Variants in SMG1 observed in about 807,000 individuals in gnomAD.
SMG1 encodes serine/threonine-protein kinase SMG1.
SMG1 carries 22 observed loss-of-function variants against 419.9 expected under a neutral mutation model. The observed-to-expected ratio is 0.05, with a 90% CI of 0.04 to 0.07. The LOEUF (loss-of-function observed/expected upper bound fraction) is 0.07, where lower values mean the gene tolerates loss of function less well. SMG1 is among the 10% of genes least tolerant of loss of function. SMG1 has a pLI of 1.00. For synonymous variants in SMG1, 1,538 were observed against 1,553.5 expected (o/e 0.99, Z 0.23); for missense variants, 3,185 against 4,342.0 (o/e 0.73, Z 7.49).
rs79556800 is a variant in SMG1, at chr16:18,849,950, T to C, written c.5460A>G (p.Arg1820=). 1.1e-3 allele frequency: 1,726 copies of C among 1,613,026 alleles called. 23 individuals carry two copies. In the African/African-American group the frequency reaches 0.021, roughly 19 times the overall value. The change falls in exon 35 of 63, where the codon AGA becomes AGG. Residue 1820 remains arginine, a splice_region_variant and synonymous_variant. Transcript: ENST00000446231. Reference sequence around the variant, plus strand: ...TGAAACATTTTATGCAGGTCTCACCTCTCCATGGTGCAGTGGGTGTTGTCT... The same window carrying C: ...TGAAACATTTTATGCAGGTCTCACCCCTCCATGGTGCAGTGGGTGTTGTCT... ...GLETTPTAPW[R]GIIPQLFSRL... is the part of the protein sequence containing the mutation.
intron 35 of SMG1, 101 bp from the exon 36 acceptor site, chr16:18,849,479 C>A (rs1188125271): frequency 1.8e-6 from 2 of 1,125,738 alleles, no homozygotes; most frequent in Non-Finnish European, 2.5e-6. Flanking sequence ...TGTGTGTCGG[C>A]ATTAGTACGG....
chr16:18,832,858 C>A (rs1596482877), intron 51 of SMG1, 82 bp downstream of exon 51: 2 of 1,233,900 alleles, frequency 1.6e-6, no homozygotes, highest in East Asian at 2.3e-5. Context: ...TAAAAGTAAA[C>A]TTACGTTAAA....
intron 22 of SMG1, among the ~76,000 whole-genome samples, 186 bp downstream of exon 22, chr16:18,868,004 G>A (rs34767486): frequency 0.095 from 14,483 of 152,086 alleles, 747 homozygotes; most frequent in Middle Eastern, 0.17. Flanking sequence ...CACCGCGCCC[G>A]GCCTATTTTA....
chr16:18,883,872 C>A (rs923248201), intron 9 of SMG1, among the ~76,000 whole-genome samples, 198 bp downstream of exon 9: 1 of 150,448 alleles, frequency 6.6e-6, no homozygotes, highest in Admixed American at 6.6e-5. Context: ...TGAGCCGAGA[C>A]CGTGCCATTG....
intron 6 of SMG1, among the ~76,000 whole-genome samples, chr16:18,886,892 A>G (rs1398879297): frequency 3.3e-5 from 5 of 152,222 alleles, no homozygotes; most frequent in African/African-American, 4.8e-5. Flanking sequence ...AAATCATTTA[A>G]AAGACATCTT....
Position 18,853,879 on chromosome 16 carries a change from C to A in SMG1, c.4484-12G>T, listed in dbSNP as rs2034741739. 2 of 1,597,410 alleles carry A rather than the reference C, an allele frequency of 1.3e-6. No individual in the cohort carries two copies. The highest frequency in any genetic ancestry group is 1.7e-5 in the Admixed American group (1 of 58,006). On this transcript the variant is annotated splice_polypyrimidine_tract_variant and intron_variant, in intron 30 of 62. Transcript: ENST00000446231. ...ATGTGTTGACTGGCCTACAGAAAAC[C>A]ACAAAGTCAGAACTTAGAACCTTTA... is the stretch of plus-strand genomic sequence containing the variant.
intron 29 of SMG1, among the ~76,000 whole-genome samples, chr16:18,855,150 T>C (rs2034826906): frequency 6.6e-6 from 1 of 152,230 alleles, no homozygotes; most frequent in Non-Finnish European, 1.5e-5. Context: ...TTTTAGTTTC[T>C]GAATCTTTGG....
intron 56 of SMG1, 140 bp from the exon 57 acceptor site, chr16:18,817,610 T>G: frequency 1.5e-6 from 1 of 679,008 alleles, no homozygotes. Context: ...GTTTGGGAAA[T>G]AGACCAAAAC....
rs1035879376 is a variant in SMG1, at chr16:18,926,403, G to T, written c.-362C>A. The T allele has an allele frequency of 4.7e-6, 1 of 211,604 alleles. No homozygotes were observed. The highest frequency in any genetic ancestry group is 9.4e-6 in the Non-Finnish European group (1 of 106,222). 13.1% of individuals were successfully genotyped at this position (211,604 alleles called of 1,614,324 possible). The stretch of plus-strand genomic sequence containing the variant: ...GGCGGCAGCTCCTCACGCTCACACG[G>T]CCACTGCTTCCCCGCCTCCCGGCTC... On this transcript the variant is annotated 5_prime_UTR_variant, in exon 1 of 63. Coordinates refer to ENST00000446231, the MANE Select transcript of SMG1 (RefSeq NM_015092.5).
At chr16:18,830,730 G>A (rs558803546) in intron 51 of SMG1, among the ~76,000 whole-genome samples, 1 of 152,218 alleles carries the variant, frequency 6.6e-6, no homozygotes, top group East Asian at 1.9e-4. Flanking sequence ...GGCGGAGGTT[G>A]CCTAGGAGGC....
chr16:18,837,344 C>T lies in SMG1; in HGVS notation c.7513G>A (p.Val2505Met), dbSNP rs199932464. 1.2e-6 allele frequency: 2 copies of T among 1,613,900 alleles called. No individual in the cohort carries two copies. The highest frequency in any genetic ancestry group is 1.7e-6 in the Non-Finnish European group (2 of 1,179,896). ...YLSLQEQLTDVEKLQGKLLEE... is the reference protein window; with the variant it reads ...YLSLQEQLTDMEKLQGKLLEE... ...AGTAGTTTGCCCTGCAGTTTTTCCA[C>T]ATCTGTCAGTTGCTCTTGCAAGCTT... The change falls in exon 46 of 63, where the codon GTG (valine) becomes ATG (methionine). Residue 2505 changes from valine (V) to methionine (M), a missense_variant. Physicochemically the swap from Val to Met is conservative, Grantham distance 21 (BLOSUM62 1). This residue lies in a region of SMG1 where 412 missense variants were observed against 546.6 expected (regional missense o/e 0.75). Transcript: ENST00000446231.
chr16:18,895,690 G>GA (rs200072583), intron 3 of SMG1, among the ~76,000 whole-genome samples: 73 of 132,354 alleles, frequency 5.5e-4, no homozygotes, highest in Middle Eastern at 3.8e-3. Flanking sequence ...ACTTAAAAGA[G>GA]AAAAAAAAAA....
At position 18,919,634 on chromosome 16, in the gene SMG1, A is replaced by ATGTG. The variant is rs377359517; in HGVS notation, c.92+6312_92+6315dup. Among the ~76,000 whole-genome samples, 892 of 124,614 alleles carry ATGTG rather than the reference A, an allele frequency of 7.2e-3. 19 individuals carry two copies. The highest frequency in any genetic ancestry group is 8.7e-3 in the Admixed American group (102 of 11,696). 81.8% of individuals were successfully genotyped at this position (124,614 alleles called of 152,430 possible). ...GCAACACTCCGTCTCAAAAAAAAAA[A>ATGTG]TGTGTGTGTGTGTGTGTATATATAC... On this transcript the variant is annotated intron_variant, in intron 1 of 62. Coordinates refer to ENST00000446231, the MANE Select transcript of SMG1 (RefSeq NM_015092.5).
chr16:18,845,708 C>G, intron 38 of SMG1, 57 bp from the exon 39 acceptor site: 1 of 1,297,332 alleles, frequency 7.7e-7, no homozygotes, highest in South Asian at 1.3e-5. Context: ...AAGTTTTACA[C>G]AAACATGCAA....
chr16:18,874,178 G>A (rs1348987187), intron 13 of SMG1, among the ~76,000 whole-genome samples: 12 of 151,918 alleles, frequency 7.9e-5, no homozygotes, highest in Admixed American at 1.3e-4. Context: ...TGGTTCTGTC[G>A]CCCAGACTGG....
intron 1 of SMG1, among the ~76,000 whole-genome samples, chr16:18,921,310 C>G (rs2038191692): frequency 6.6e-6 from 1 of 151,926 alleles, no homozygotes; most frequent in South Asian, 2.1e-4. Context: ...TGCACCACTG[C>G]ACTCCAGCCT....
In SMG1 at chr16:18,866,697, T is replaced by C; in HGVS notation, c.3274A>G (p.Ile1092Val). 1.3e-6 allele frequency: 2 copies of C among 1,595,526 alleles called. No homozygotes were observed. The highest frequency in any genetic ancestry group is 2.7e-5 in the African/African-American group (2 of 74,934). ...ELHCPEAIQGIAVWSSSIVGK... is the reference protein window; with the variant it reads ...ELHCPEAIQGVAVWSSSIVGK... ...ACAATAGATGATGACCAGACAGCAA[T>C]TCCCTGTATAGCTTCAGGACAATGA... Residue 1092 changes from isoleucine to valine, a missense_variant, in exon 23 of 63, where the codon ATT (isoleucine) becomes GTT (valine). Ile to Val is a conservative substitution (Grantham distance 29). Transcript: ENST00000446231.
Position 18,842,383 on chromosome 16 carries a change from T to C in SMG1, c.6291A>G (p.Pro2097=), listed in dbSNP as rs1227232673. The change falls in exon 40 of 63, where the codon CCA becomes CCG. Residue 2097 remains proline (P), a synonymous_variant. Transcript: ENST00000446231. The stretch of plus-strand genomic sequence containing the variant: ...CAGTGTTAGTCATGGCAGCCAACCA[T>C]GGACTGATTTCTTCAAGACGCAAGA... ...SYILRLEEIS[P]WLAAMTNTEI... The C allele has an allele frequency of 2.5e-6, 4 of 1,613,964 alleles. No individual in the cohort carries two copies. The highest frequency in any genetic ancestry group is 2.2e-5 in the East Asian group (1 of 44,882).
chr16:18,922,155 G>A (rs1015854150), intron 1 of SMG1, among the ~76,000 whole-genome samples: 1 of 152,186 alleles, frequency 6.6e-6, no homozygotes, highest in Non-Finnish European at 1.5e-5. Context: ...GTACAATTAT[G>A]AATTACACAT....
Sources: allele counts gnomAD v4.1 joint callset (sites outside exome capture counted in the v4.1 genomes callset), GRCh38; gene constraint gnomAD v4.1.1; regional missense constraint gnomAD v4.1.1; transcripts MANE v1.5; gene names NCBI Gene and HGNC (gene_info 2026-07-23, HGNC 2026-07-21).